Variants in RBMS2 observed in about 807,000 individuals in gnomAD.
The protein encoded by RBMS2 is RNA-binding motif, single-stranded-interacting protein 2.
A neutral mutation model predicts 58.4 loss-of-function variants in RBMS2; 38 were observed. The observed-to-expected ratio is 0.65, with a 90% CI of 0.50 to 0.85. RBMS2 has a LOEUF of 0.85. RBMS2 is among the 40% of genes least tolerant of loss of function. The pLI is 0.00. For missense variants in RBMS2, 367 were observed against 503.7 expected (o/e 0.73, Z 2.60); for synonymous variants, 151 against 180.7 (o/e 0.84, Z 1.32).
chr12:56,575,898 G>GAA (rs80050555), intron 5 of RBMS2, among the ~76,000 whole-genome samples: 3 of 132,608 alleles, frequency 2.3e-5, no homozygotes, highest in Admixed American at 7.6e-5. Context: ...CCATCTCAAA[G>GAA]AAAAAAAAAA....
intron 1 of RBMS2, among the ~76,000 whole-genome samples, chr12:56,554,201 GT>G (rs1207499935): frequency 1.3e-5 from 2 of 152,140 alleles, no homozygotes; most frequent in East Asian, 3.8e-4. Flanking sequence ...ATATTGAGCT[GT>G]CATCTGTCTG....
At position 56,588,378 on chromosome 12, in the gene RBMS2, A is replaced by C. The variant is rs1424995913; in HGVS notation, c.1143+4A>C. 1.2e-6 allele frequency: 2 copies of C among 1,607,762 alleles called. No homozygotes were observed. The highest frequency in any genetic ancestry group is 1.7e-6 in the Non-Finnish European group (2 of 1,174,582). The stretch of plus-strand genomic sequence containing the variant: ...TTCTTCCAGTGTTTCAGTCGAGGTA[A>C]GGGTGTTATCATTTCTTTGGATTGA... On this transcript the variant is annotated splice_donor_region_variant and intron_variant, in intron 12 of 13. Transcript: ENST00000262031.
chr12:56,580,264 GC>G, intron 5 of RBMS2: 1 of 292,774 alleles, frequency 3.4e-6, no homozygotes, highest in Non-Finnish European at 6.3e-6. Context: ...ACAGATTCTC[GC>G]CCTGTTGCCC....
Position 56,548,300 on chromosome 12 carries a change from A to G in RBMS2, c.67-14117A>G, listed in dbSNP as rs1451087132. ...CATCTCTACTAAAAATACAAAAATT[A>G]GCCGGGCATGGTGGCGCATGCGTGT... On this transcript the variant is annotated intron_variant, in intron 1 of 13. Coordinates refer to ENST00000262031, the MANE Select transcript of RBMS2 (RefSeq NM_002898.4). Among the ~76,000 whole-genome samples the G allele has an allele frequency of 2.6e-5, 4 of 152,066 alleles. No individual in the cohort carries two copies. In the South Asian group the frequency reaches 6.2e-4, roughly 24 times the overall value.
intron 4 of RBMS2, 149 bp downstream of exon 4, chr12:56,570,139 C>A: frequency 1.6e-6 from 1 of 635,228 alleles, no homozygotes; most frequent in Non-Finnish European, 2.7e-6. Flanking sequence ...ATGAGCACCC[C>A]TGGCTGCTGG....
intron 1 of RBMS2, among the ~76,000 whole-genome samples, chr12:56,557,761 G>A (rs1459217589): frequency 1.2e-4 from 18 of 146,988 alleles, no homozygotes; most frequent in Non-Finnish European, 2.1e-4. Context: ...TTTTTGAGAC[G>A]GAGTTTCGCT....
At chr12:56,551,113 C>T (rs1236256565) in intron 1 of RBMS2, among the ~76,000 whole-genome samples, 2 of 140,714 alleles carry the variant, frequency 1.4e-5, no homozygotes, top group Admixed American at 7.3e-5. Flanking sequence ...GAGCAAGACC[C>T]TGTTTCAAAA....
At chr12:56,561,538 GCCCTATCA>G (rs1176409191) in intron 1 of RBMS2, among the ~76,000 whole-genome samples, 1 of 151,850 alleles carries the variant, frequency 6.6e-6, no homozygotes, top group East Asian at 1.9e-4. Flanking sequence ...ATGGAGTCTC[GCCCTATCA>G]CCCAGGCTGG....
At chr12:56,579,387 T>A (rs1324482075) in intron 5 of RBMS2, among the ~76,000 whole-genome samples, 1 of 152,130 alleles carries the variant, frequency 6.6e-6, no homozygotes, top group African/African-American at 2.4e-5. Context: ...TCCCAGCACT[T>A]TGGGAGGATG....
chr12:56,562,588 G>A lies in RBMS2; in HGVS notation c.233+5G>A. 1 of 1,612,448 alleles carries A rather than the reference G, an allele frequency of 6.2e-7. No homozygotes were observed. The highest frequency in any genetic ancestry group is 8.5e-7 in the Non-Finnish European group (1 of 1,178,498). On this transcript the variant is annotated splice_donor_5th_base_variant and intron_variant, in intron 2 of 13. Transcript: ENST00000262031. ...TCTTGTCAAGCTGTGTCAGCCGTAA[G>A]TTGGAGTACATGTGCGTAGGCTTCC...
intron 1 of RBMS2, among the ~76,000 whole-genome samples, chr12:56,526,009 T>C (rs1050315344): frequency 1.3e-5 from 2 of 152,022 alleles, no homozygotes; most frequent in African/African-American, 4.8e-5. Flanking sequence ...CTGAAACTAA[T>C]GAAAGTTATT....
At chr12:56,544,382 G>A (rs1232954754) in intron 1 of RBMS2, among the ~76,000 whole-genome samples, 1 of 152,146 alleles carries the variant, frequency 6.6e-6, no homozygotes, top group Non-Finnish European at 1.5e-5. Flanking sequence ...TTAGGAAGAG[G>A]AGTTGCAGGA....
At chr12:56,528,682 G>A (rs951243746) in intron 1 of RBMS2, among the ~76,000 whole-genome samples, 15 of 152,158 alleles carry the variant, frequency 9.9e-5, no homozygotes, top group East Asian at 1.9e-4. Flanking sequence ...AAAGATAATC[G>A]AAAGGACAAA....
chr12:56,558,665 G>A (rs537735835), intron 1 of RBMS2, among the ~76,000 whole-genome samples: 77 of 127,336 alleles, frequency 6.0e-4, no homozygotes, highest in African/African-American at 2.1e-3. Context: ...CTTGCTTACT[G>A]CAACATTTAC....
At chr12:56,544,642 C>T (rs1876798219) in intron 1 of RBMS2, among the ~76,000 whole-genome samples, 1 of 152,042 alleles carries the variant, frequency 6.6e-6, no homozygotes, top group Non-Finnish European at 1.5e-5. Context: ...TGCTGTAGTG[C>T]AGTAGTGCAA....
chr12:56,549,681 T>C (rs930775922), intron 1 of RBMS2, among the ~76,000 whole-genome samples: 3 of 152,124 alleles, frequency 2.0e-5, no homozygotes, highest in Admixed American at 2.0e-4. Flanking sequence ...CTCATACTAG[T>C]TTGAAATGGT....
chr12:56,549,111 G>C (rs1429014723), intron 1 of RBMS2, among the ~76,000 whole-genome samples: 1 of 152,068 alleles, frequency 6.6e-6, no homozygotes, highest in Non-Finnish European at 1.5e-5. Flanking sequence ...TGATTCTTGT[G>C]CCTCAGCCTC....
chr12:56,540,007 C>T (rs909118973), intron 1 of RBMS2, among the ~76,000 whole-genome samples: 4 of 152,170 alleles, frequency 2.6e-5, no homozygotes, highest in Non-Finnish European at 5.9e-5. Flanking sequence ...TCCTTGAAGT[C>T]TTTCATACTT....
At chr12:56,545,916 A>T (rs1213817746) in intron 1 of RBMS2, among the ~76,000 whole-genome samples, 1 of 146,306 alleles carries the variant, frequency 6.8e-6, no homozygotes, top group Non-Finnish European at 1.5e-5. Context: ...GTGTAAGCAT[A>T]TGTTTTCTTC....
Sources: allele counts gnomAD v4.1 joint callset (sites outside exome capture counted in the v4.1 genomes callset), GRCh38; gene constraint gnomAD v4.1.1; transcripts MANE v1.5; gene names NCBI Gene and HGNC (gene_info 2026-07-23, HGNC 2026-07-21).